The following RBMS3 variants were observed in gnomAD, a reference collection of about 807,000 sequenced individuals.
RBMS3 encodes the protein RNA binding motif single stranded interacting protein 3.
In RBMS3, 27 loss-of-function variants were observed where a neutral mutation model predicts 66.8. That is an observed-to-expected ratio of 0.40 (90% confidence interval 0.30 to 0.56). The LOEUF (loss-of-function observed/expected upper bound fraction) is 0.56, where lower values mean the gene tolerates loss of function less well. Ranked by LOEUF, RBMS3 falls within the 20% of genes least tolerant of loss-of-function variation. The pLI is 0.40. For synonymous variants in RBMS3, 188 were observed against 183.0 expected, an observed-to-expected ratio of 1.03 and a Z score of -0.22; for missense variants, 513 against 549.5, an observed-to-expected ratio of 0.93 and a Z score of 0.66.
intron 8 of RBMS3, among the ~76,000 whole-genome samples, chr3:29,885,163 A>G (rs1029322226): frequency 2.0e-5 from 3 of 151,886 alleles, no homozygotes; most frequent in African/African-American, 7.2e-5. Flanking sequence ...TATGTTCTAT[A>G]GATTTAAAAA....
intron 4 of RBMS3, among the ~76,000 whole-genome samples, chr3:29,652,344 A>G (rs909770443): frequency 2.0e-5 from 3 of 152,104 alleles, no homozygotes; most frequent in Non-Finnish European, 4.4e-5. Flanking sequence ...AAAAGTAAAA[A>G]ACTCATATAA....
intron 1 of RBMS3, among the ~76,000 whole-genome samples, chr3:29,410,967 T>TAG (rs1553647593): frequency 1.6e-4 from 22 of 135,938 alleles, no homozygotes; most frequent in South Asian, 4.8e-4. Flanking sequence ...CCTTTCTTCT[T>TAG]AAAAAAAAAA....
intron 4 of RBMS3, among the ~76,000 whole-genome samples, chr3:29,682,792 AG>A (rs1422258003): frequency 6.6e-6 from 1 of 152,220 alleles, no homozygotes; most frequent in African/African-American, 2.4e-5. Flanking sequence ...CTGTCCAAGT[AG>A]GGTTTGGATA....
chr3:29,325,677 T>C (rs930028663), intron 1 of RBMS3, among the ~76,000 whole-genome samples: 2 of 147,544 alleles, frequency 1.4e-5, no homozygotes, highest in African/African-American at 2.5e-5. Context: ...CACACACATA[T>C]GTATAAATTT....
At chr3:29,645,966 A>C (rs1451870326) in intron 4 of RBMS3, among the ~76,000 whole-genome samples, 1 of 152,198 alleles carries the variant, frequency 6.6e-6, no homozygotes, top group African/African-American at 2.4e-5. Context: ...AAAGCCCTAC[A>C]TTACCTCTAA....
Position 29,630,262 on chromosome 3 carries a change from A to G in RBMS3, c.399+43057A>G, listed in dbSNP as rs556907358. The stretch of plus-strand genomic sequence containing the variant: ...CAGTTTTGTTTTTTAATTCTGTCGT[A>G]CAGCATAGAAAAGCTGGTGAATGAT... On this transcript the variant is annotated intron_variant, in intron 4 of 14. Coordinates refer to ENST00000383767, the MANE Select transcript of RBMS3 (RefSeq NM_001003793.3). Among the ~76,000 whole-genome samples, 9 of 152,180 alleles carry G rather than the reference A, an allele frequency of 5.9e-5. No individual in the cohort carries two copies. The East Asian group carries it at 1.7e-3, about 29-fold the overall frequency.
intron 4 of RBMS3, among the ~76,000 whole-genome samples, chr3:29,610,202 G>A (rs559673740): frequency 3.9e-5 from 6 of 152,084 alleles, no homozygotes; most frequent in South Asian, 2.1e-4. Context: ...GGACCCTGTC[G>A]TGAATACAGG....
chr3:29,641,708 T>TAC (rs2049723200), intron 4 of RBMS3, among the ~76,000 whole-genome samples: 1 of 152,082 alleles, frequency 6.6e-6, no homozygotes, highest in African/African-American at 2.4e-5. Flanking sequence ...AAAAAATGTA[T>TAC]ACTGCACTGC....
chr3:29,473,916 G>C (rs968526329), intron 2 of RBMS3, among the ~76,000 whole-genome samples: 19 of 152,356 alleles, frequency 1.2e-4, no homozygotes, highest in Admixed American at 3.9e-4. Flanking sequence ...GAGGGAGCCA[G>C]CTCTGGCCTT....
chr3:29,856,617 G>T (rs1490604106), intron 6 of RBMS3, among the ~76,000 whole-genome samples: 2 of 152,106 alleles, frequency 1.3e-5, no homozygotes, highest in African/African-American at 4.8e-5. Flanking sequence ...GGAAAAATTG[G>T]TACCTATCTA....
chr3:29,370,372 T>C (rs1010320131), intron 1 of RBMS3, among the ~76,000 whole-genome samples: 1 of 152,240 alleles, frequency 6.6e-6, no homozygotes, highest in African/African-American at 2.4e-5. Flanking sequence ...TCATGTTAGA[T>C]AACTTGTTTT....
At chr3:29,326,722 C>A (rs1179921971) in intron 1 of RBMS3, among the ~76,000 whole-genome samples, 1 of 149,492 alleles carries the variant, frequency 6.7e-6, no homozygotes, top group Non-Finnish European at 1.5e-5. Context: ...TTCAGTCTTA[C>A]TACTGGCATC....
intron 3 of RBMS3, among the ~76,000 whole-genome samples, chr3:29,497,696 T>C (rs1174755224): frequency 2.0e-5 from 3 of 152,146 alleles, no homozygotes; most frequent in African/African-American, 7.2e-5. Flanking sequence ...CTCTCATCTC[T>C]CATGCTTTTA....
At chr3:29,623,347 C>T (rs1352526258) in intron 4 of RBMS3, among the ~76,000 whole-genome samples, 1 of 151,916 alleles carries the variant, frequency 6.6e-6, no homozygotes, top group Non-Finnish European at 1.5e-5. Flanking sequence ...AATCCCAGCA[C>T]TTTGGGACGC....
At chr3:29,425,916 G>C (rs1402514286) in intron 1 of RBMS3, among the ~76,000 whole-genome samples, 1 of 152,064 alleles carries the variant, frequency 6.6e-6, no homozygotes, top group African/African-American at 2.4e-5. Flanking sequence ...TGATCTCTGA[G>C]GTATTCCTTG....
At chr3:29,725,479 T>A (rs748084667) in intron 4 of RBMS3, among the ~76,000 whole-genome samples, 1 of 148,864 alleles carries the variant, frequency 6.7e-6, no homozygotes, top group Non-Finnish European at 1.5e-5. Flanking sequence ...GCTAGACTAG[T>A]AAAGAAGAAA....
intron 10 of RBMS3, among the ~76,000 whole-genome samples, chr3:29,930,551 C>T (rs182369919): frequency 1.3e-5 from 2 of 151,908 alleles, no homozygotes; most frequent in Admixed American, 6.6e-5. Flanking sequence ...AATTATTTGT[C>T]GTGGGGAACT....
chr3:29,842,084 C>T (rs2058675566), intron 6 of RBMS3, among the ~76,000 whole-genome samples: 1 of 152,020 alleles, frequency 6.6e-6, no homozygotes, highest in South Asian at 2.1e-4. Flanking sequence ...ACACTTTTAC[C>T]ATCATCTAAT....
intron 1 of RBMS3, among the ~76,000 whole-genome samples, chr3:29,351,288 G>A (rs965536167): frequency 1.3e-5 from 2 of 152,080 alleles, no homozygotes; most frequent in Non-Finnish European, 2.9e-5. Flanking sequence ...AAGAGTTGCT[G>A]TATTACATCA....
Sources: allele counts gnomAD v4.1 joint callset (sites outside exome capture counted in the v4.1 genomes callset), GRCh38; gene constraint gnomAD v4.1.1; transcripts MANE v1.5; gene names NCBI Gene and HGNC (gene_info 2026-07-23, HGNC 2026-07-21).